The following SYNE1 variants were observed in gnomAD, a reference collection of about 807,000 sequenced individuals.
SYNE1 encodes spectrin repeat containing nuclear envelope protein 1.
Under a neutral mutation model 1,111.0 loss-of-function variants are expected in SYNE1, and 616 were observed. The ratio of observed to expected loss-of-function variants is 0.55; its 90% CI spans 0.52 to 0.59. The LOEUF (loss-of-function observed/expected upper bound fraction) is 0.59. Ranked by LOEUF, SYNE1 falls within the 20% of genes least tolerant of loss-of-function variation. The pLI is 0.00. For missense variants in SYNE1, 10,006 were observed against 10,417.0 expected, an observed-to-expected ratio of 0.96 and a Z score of 1.72; for synonymous variants, 3,855 against 3,825.8, an observed-to-expected ratio of 1.01 and a Z score of -0.28.
rs780285622 is a variant in SYNE1, at chr6:152,141,252, C to T, written c.25197G>A (p.Glu8399=). 1 of 1,614,058 alleles carries T rather than the reference C, an allele frequency of 6.2e-7. No individual in the cohort carries two copies. The highest frequency in any genetic ancestry group is 1.3e-5 in the African/African-American group (1 of 74,924). Reference sequence around the variant, plus strand: ...GCAGGTTAACAAAGCCAGGAAGGCTCTCCTCTTCCTCCTTCAGTTTGTGCT... The same window carrying T: ...GCAGGTTAACAAAGCCAGGAAGGCTTTCCTCTTCCTCCTTCAGTTTGTGCT... ...RLEHKLKEEE[E]SLPGFVNLHS... The change falls in exon 139 of 146, where the codon GAG becomes GAA. Residue 8399 remains glutamate, a synonymous_variant. Coordinates refer to ENST00000367255, the MANE Select transcript of SYNE1 (RefSeq NM_182961.4).
intron 3 of SYNE1, among the ~76,000 whole-genome samples, chr6:152,596,587 A>T (rs1434608296): frequency 6.6e-6 from 1 of 151,914 alleles, no homozygotes; most frequent in African/African-American, 2.4e-5. Flanking sequence ...CTTTTTTATT[A>T]TTATTCTTAT....
At chr6:152,303,402 C>CAA (rs373230705) in intron 91 of SYNE1, among the ~76,000 whole-genome samples, 4,236 of 120,368 alleles carry the variant, frequency 0.035, 101 homozygotes, top group African/African-American at 0.075. Flanking sequence ...GACTCTGTCT[C>CAA]AAAAAAAAAA....
At chr6:152,260,730 G>C (rs143146579) in intron 101 of SYNE1, among the ~76,000 whole-genome samples, 7 of 152,038 alleles carry the variant, frequency 4.6e-5, no homozygotes, top group African/African-American at 1.4e-4. Flanking sequence ...GTTTTAGAAT[G>C]AAACTGTTCC....
Position 152,442,059 on chromosome 6 carries a change from A to G in SYNE1, c.4008+16T>C, listed in dbSNP as rs763851876. The stretch of plus-strand genomic sequence containing the variant: ...CCCAGCCTCTGTTTAAATGGCCCCT[A>G]ACTTCCGGCTCCTACCTGGATGCGG... On this transcript the variant is annotated intron_variant, in intron 31 of 145. Transcript: ENST00000367255. The G allele has an allele frequency of 5.0e-6, 8 of 1,613,860 alleles. No individual in the cohort carries two copies. Among genetic ancestry groups the G allele is most frequent in the Middle Eastern group, 1.7e-4 (1 of 5,900 alleles).
At chr6:152,274,325 T>C (rs1264368199) in intron 98 of SYNE1, among the ~76,000 whole-genome samples, 1 of 152,192 alleles carries the variant, frequency 6.6e-6, no homozygotes, top group Non-Finnish European at 1.5e-5. Flanking sequence ...CATATGTTCA[T>C]TGTCCATTTA....
intron 130 of SYNE1, among the ~76,000 whole-genome samples, 176 bp downstream of exon 130, chr6:152,176,218 G>A (rs1175130608): frequency 6.6e-6 from 1 of 152,074 alleles, no homozygotes; most frequent in Non-Finnish European, 1.5e-5. Context: ...AGTAAGAGGA[G>A]AATTTTCAAG....
chr6:152,164,354 C>T (rs1329992548), intron 130 of SYNE1, 29 bp from the exon 131 acceptor site: 3 of 1,613,606 alleles, frequency 1.9e-6, no homozygotes, highest in Admixed American at 1.7e-5. Flanking sequence ...GAATGTCCCA[C>T]TTCAGCGAGA....
At chr6:152,191,699 CTT>C (rs746842832) in intron 127 of SYNE1, among the ~76,000 whole-genome samples, 31 of 151,944 alleles carry the variant, frequency 2.0e-4, no homozygotes, top group Non-Finnish European at 3.4e-4. Flanking sequence ...AAAAAATAAA[CTT>C]TTCATTTTGT....
intron 27 of SYNE1, among the ~76,000 whole-genome samples, chr6:152,449,992 G>A (rs1475026537): frequency 6.6e-6 from 1 of 152,110 alleles, no homozygotes; most frequent in Non-Finnish European, 1.5e-5. Flanking sequence ...CACCCTTTAG[G>A]GATATGAGAT....
At chr6:152,170,751 C>T (rs934462325) in intron 130 of SYNE1, among the ~76,000 whole-genome samples, 1 of 152,220 alleles carries the variant, frequency 6.6e-6, no homozygotes, top group Non-Finnish European at 1.5e-5. Flanking sequence ...TGAACTCCCT[C>T]TGGGATGAGA....
intron 124 of SYNE1, among the ~76,000 whole-genome samples, chr6:152,210,675 G>A (rs9479263): frequency 0.038 from 5,766 of 152,040 alleles, 165 homozygotes; most frequent in East Asian, 0.14. Context: ...CTAAATATGA[G>A]AAAGGTATAC....
intron 9 of SYNE1, among the ~76,000 whole-genome samples, chr6:152,504,897 A>G (rs559934325): frequency 2.3e-4 from 35 of 152,292 alleles, no homozygotes; most frequent in African/African-American, 7.7e-4. Flanking sequence ...TTATCCTGTC[A>G]CCTACCCCTC....
chr6:152,555,962 G>A (rs1448289382), intron 3 of SYNE1, among the ~76,000 whole-genome samples: 2 of 152,178 alleles, frequency 1.3e-5, no homozygotes, highest in African/African-American at 4.8e-5. Flanking sequence ...GGTAGTCACT[G>A]AAGAGAAACT....
At chr6:152,376,346 G>A in intron 58 of SYNE1, 35 bp downstream of exon 58, 1 of 1,607,434 alleles carries the variant, frequency 6.2e-7, no homozygotes, top group Non-Finnish European at 8.5e-7. Context: ...GTTCACATCA[G>A]CACTGCTACT....
chr6:152,563,053 TACAC>T lies in SYNE1; in HGVS notation c.68-23036_68-23033del, dbSNP rs34506864. Among the ~76,000 whole-genome samples, 9 of 148,806 alleles carry T rather than the reference TACAC, an allele frequency of 6.0e-5. No homozygotes were observed. In the South Asian group the frequency reaches 6.4e-4, roughly 11 times the overall value. On this transcript the variant is annotated intron_variant, in intron 3 of 145. Coordinates refer to ENST00000367255, the MANE Select transcript of SYNE1 (RefSeq NM_182961.4). ...TCAAATTATAATAGAGGAAAAAGAG[TACAC>T]ACACACACACACACACACAGAAAGA...
At chr6:152,279,069 T>G (rs1468597301) in intron 97 of SYNE1, among the ~76,000 whole-genome samples, 1 of 151,704 alleles carries the variant, frequency 6.6e-6, no homozygotes, top group African/African-American at 2.4e-5. Flanking sequence ...CTGTGTCTGG[T>G]GACTTTTAAT....
intron 3 of SYNE1, among the ~76,000 whole-genome samples, chr6:152,543,805 T>G (rs1224322247): frequency 6.6e-6 from 1 of 152,202 alleles, no homozygotes; most frequent in Non-Finnish European, 1.5e-5. Flanking sequence ...ATACTTACCA[T>G]GTGCTACAAT....
intron 51 of SYNE1, among the ~76,000 whole-genome samples, chr6:152,392,301 A>T (rs1005501432): frequency 6.6e-6 from 1 of 152,204 alleles, no homozygotes; most frequent in African/African-American, 2.4e-5. Flanking sequence ...TTGTAGGAGC[A>T]CTTATGAGCT....
intron 130 of SYNE1, chr6:152,167,606 TACTG>T: frequency 2.5e-6 from 1 of 400,350 alleles, no homozygotes; most frequent in East Asian, 6.1e-5. Flanking sequence ...GACTAAAACT[TACTG>T]ACAAGCACAA....
Sources: allele counts gnomAD v4.1 joint callset (sites outside exome capture counted in the v4.1 genomes callset), GRCh38; gene constraint gnomAD v4.1.1; transcripts MANE v1.5; gene names NCBI Gene and HGNC (gene_info 2026-07-23, HGNC 2026-07-21).